The following C10orf90 variants were observed in gnomAD, a reference collection of about 807,000 sequenced individuals.
C10orf90 encodes the protein chromosome 10 open reading frame 90.
Under a neutral mutation model 62.5 loss-of-function variants are expected in C10orf90, and 56 were observed. That is an observed-to-expected ratio of 0.90 (90% confidence interval 0.72 to 1.12). C10orf90 has a LOEUF of 1.12. Ranked by LOEUF, C10orf90 falls within the 50% of genes most tolerant of loss-of-function variation. The pLI, the probability that C10orf90 is intolerant of heterozygous loss-of-function variation, is 0.00. For missense variants in C10orf90, 970 were observed against 880.4 expected (o/e 1.10, Z -1.29); for synonymous variants, 386 against 340.4 (o/e 1.13, Z -1.47).
chr10:126,491,481 G>A (rs1180310013), intron 4 of C10orf90, among the ~76,000 whole-genome samples: 1 of 152,070 alleles, frequency 6.6e-6, no homozygotes, highest in Non-Finnish European at 1.5e-5. Context: ...AAACAACAGA[G>A]TACAGAACCG....
intron 7 of C10orf90, among the ~76,000 whole-genome samples, chr10:126,442,798 T>C (rs1858485784): frequency 6.6e-6 from 1 of 150,388 alleles, no homozygotes; most frequent in Non-Finnish European, 1.5e-5. Flanking sequence ...ACAATTGAAA[T>C]TATATCAAGA....
intron 2 of C10orf90, among the ~76,000 whole-genome samples, chr10:126,630,167 A>G (rs1413767866): frequency 6.6e-6 from 1 of 152,174 alleles, no homozygotes; most frequent in African/African-American, 2.4e-5. Flanking sequence ...TCCCACTTTA[A>G]TAACAACAAA....
intron 4 of C10orf90, among the ~76,000 whole-genome samples, chr10:126,482,243 T>C (rs539153881): frequency 1.3e-5 from 2 of 152,348 alleles, no homozygotes; most frequent in African/African-American, 4.8e-5. Context: ...TCCTGACTCT[T>C]ATGAGGGGGA....
chr10:126,555,046 G>A (rs1251229492), intron 2 of C10orf90, among the ~76,000 whole-genome samples: 2 of 152,152 alleles, frequency 1.3e-5, no homozygotes, highest in South Asian at 2.1e-4. Context: ...TCTGATTGCG[G>A]TCCACACAAA....
chr10:126,468,106 G>A (rs1021955319), intron 4 of C10orf90, among the ~76,000 whole-genome samples: 7 of 147,290 alleles, frequency 4.8e-5, no homozygotes, highest in Non-Finnish European at 8.9e-5. Flanking sequence ...ACAGAGTCTC[G>A]TTCTGTCACC....
intron 2 of C10orf90, among the ~76,000 whole-genome samples, chr10:126,539,510 A>G (rs1864326225): frequency 6.6e-6 from 1 of 152,190 alleles, no homozygotes; most frequent in South Asian, 2.1e-4. Flanking sequence ...ATATGAATAA[A>G]TGCATTTTAG....
intron 4 of C10orf90, among the ~76,000 whole-genome samples, chr10:126,491,156 G>A (rs1170094177): frequency 6.6e-6 from 1 of 152,180 alleles, no homozygotes; most frequent in African/African-American, 2.4e-5. Context: ...AGACTTTGCT[G>A]ATAGAAATTA....
chr10:126,658,903 T>C (rs1846450419), intron 1 of C10orf90, among the ~76,000 whole-genome samples: 1 of 152,130 alleles, frequency 6.6e-6, no homozygotes, highest in African/African-American at 2.4e-5. Context: ...CTTTCCCTAG[T>C]TTTAAAACAA....
intron 2 of C10orf90, among the ~76,000 whole-genome samples, chr10:126,603,394 GT>G (rs1367912413): frequency 6.6e-6 from 1 of 152,072 alleles, no homozygotes; most frequent in Admixed American, 6.5e-5. Flanking sequence ...CAGCATGGGG[GT>G]AACCGCCCCC....
chr10:126,496,586 C>A, intron 4 of C10orf90: 2 of 855,944 alleles, frequency 2.3e-6, no homozygotes, highest in African/African-American at 3.7e-5. Flanking sequence ...TGAGACATTT[C>A]CCCCGCCACC....
At chr10:126,454,877 A>G (rs1859441457) in intron 7 of C10orf90, among the ~76,000 whole-genome samples, 1 of 152,114 alleles carries the variant, frequency 6.6e-6, no homozygotes, top group Non-Finnish European at 1.5e-5. Context: ...ACTCTGGTGA[A>G]TTGCACAGGT....
chr10:126,576,938 T>TA (rs949633936), intron 2 of C10orf90, among the ~76,000 whole-genome samples: 2 of 148,770 alleles, frequency 1.3e-5, no homozygotes. Flanking sequence ...GTGTGGAGGC[T>TA]AAAAAAAAAG....
intron 2 of C10orf90, among the ~76,000 whole-genome samples, chr10:126,581,739 C>A (rs193057443): frequency 1.3e-5 from 2 of 152,158 alleles, no homozygotes; most frequent in Non-Finnish European, 2.9e-5. Flanking sequence ...AAATTCCTCA[C>A]GTTGTGATTC....
At chr10:126,578,103 T>A (rs1844663228) in intron 2 of C10orf90, among the ~76,000 whole-genome samples, 1 of 152,106 alleles carries the variant, frequency 6.6e-6, no homozygotes, top group Admixed American at 6.6e-5. Flanking sequence ...AAACAGAAAA[T>A]AATTGCTTTA....
chr10:126,497,632 T>C (rs1278416910), intron 4 of C10orf90, among the ~76,000 whole-genome samples: 1 of 152,152 alleles, frequency 6.6e-6, no homozygotes, highest in Non-Finnish European at 1.5e-5. Flanking sequence ...CGCAGGCAAG[T>C]GACCTGCCCA....
intron 2 of C10orf90, among the ~76,000 whole-genome samples, chr10:126,611,291 T>A (rs910215775): frequency 2.2e-4 from 33 of 152,350 alleles, no homozygotes; most frequent in Non-Finnish European, 3.4e-4. Flanking sequence ...TAGCATAATG[T>A]ACTCAAGATT....
At chr10:126,536,213 G>A (rs1448083741) in intron 2 of C10orf90, among the ~76,000 whole-genome samples, 1 of 152,128 alleles carries the variant, frequency 6.6e-6, no homozygotes, top group Non-Finnish European at 1.5e-5. Flanking sequence ...GTGGATATGG[G>A]CTTTTGATAC....
chr10:126,455,611 C>T (rs1230697958), intron 7 of C10orf90, among the ~76,000 whole-genome samples: 1 of 152,144 alleles, frequency 6.6e-6, no homozygotes, highest in East Asian at 1.9e-4. Context: ...CAGGTGGCAC[C>T]CGGGTGAGGA....
rs895319064 is a variant in C10orf90 at position 126,440,347 on chromosome 10, G to A, written c.2189-10497C>T. On this transcript the variant is annotated intron_variant, in intron 7 of 9. Transcript: ENST00000488181. The stretch of plus-strand genomic sequence containing the variant: ...CTAGGTAAGTAACTCCATTGACCTG[G>A]GAACCTCATCCCCTATCCGCCACAG... Among the ~76,000 whole-genome samples, 4 of 152,218 alleles carry A rather than the reference G, an allele frequency of 2.6e-5. No individual in the cohort carries two copies. The East Asian group carries it at 7.8e-4, about 29-fold the overall frequency.
Sources: allele counts gnomAD v4.1 joint callset (sites outside exome capture counted in the v4.1 genomes callset), GRCh38; gene constraint gnomAD v4.1.1; transcripts MANE v1.5; gene names NCBI Gene and HGNC (gene_info 2026-07-23, HGNC 2026-07-21).